Variants in CCDC158 observed in about 807,000 individuals in gnomAD.
CCDC158 encodes coiled-coil domain-containing protein 158.
A neutral mutation model predicts 138.6 loss-of-function variants in CCDC158; 116 were observed. That is an observed-to-expected ratio of 0.84 (90% CI 0.72 to 0.98). CCDC158 has a LOEUF of 0.98. Among genes scored for constraint, CCDC158 ranks in the 50% least tolerant of loss-of-function variants. The pLI is 0.00. For synonymous variants in CCDC158, 436 were observed against 442.4 expected (o/e 0.99, Z 0.18); for missense variants, 1,265 against 1,306.1 (o/e 0.97, Z 0.48).
intron 4 of CCDC158, among the ~76,000 whole-genome samples, chr4:76,395,126 T>C (rs537003339): frequency 2.0e-5 from 3 of 152,234 alleles, no homozygotes; most frequent in Middle Eastern, 3.4e-3. Flanking sequence ...GGGATAAACA[T>C]AGAAAACAAA....
intron 24 of CCDC158, among the ~76,000 whole-genome samples, chr4:76,321,583 GTA>G (rs1236951853): frequency 6.8e-6 from 1 of 146,130 alleles, no homozygotes; most frequent in Non-Finnish European, 1.5e-5. Flanking sequence ...TACATGGTGT[GTA>G]TATATATATA....
intron 4 of CCDC158, among the ~76,000 whole-genome samples, chr4:76,391,270 A>G (rs142703828): frequency 3.1e-4 from 47 of 152,138 alleles, no homozygotes; most frequent in Admixed American, 1.4e-3. Context: ...GAGACTATAC[A>G]TTAGGTCATA....
At chr4:76,320,915 C>T (rs1052621649) in intron 24 of CCDC158, among the ~76,000 whole-genome samples, 2 of 152,012 alleles carry the variant, frequency 1.3e-5, no homozygotes, top group South Asian at 4.1e-4. Context: ...ATAGATGGGA[C>T]CTAGTTAAAT....
At chr4:76,366,666 T>A (rs141915519) in intron 12 of CCDC158, among the ~76,000 whole-genome samples, 5 of 133,090 alleles carry the variant, frequency 3.8e-5, no homozygotes, top group Non-Finnish European at 6.6e-5. Context: ...CACGGCAATA[T>A]AGAATGTGAA....
Position 76,353,255 on chromosome 4 carries a change from TTTCTC to T in CCDC158, c.2308_2312del (p.Glu770LysfsTer2), listed in dbSNP as rs763325449. The T allele has an allele frequency of 1.2e-6, 2 of 1,608,684 alleles. No individual in the cohort carries two copies. Among genetic ancestry groups the T allele is most frequent in the South Asian group, 1.1e-5 (1 of 89,628 alleles). On this transcript the variant is annotated frameshift_variant, in exon 16 of 25. Transcript: ENST00000682701. LOFTEE classifies it high-confidence loss of function. ...TACTCAATTCCTGACTGAGTTTACT[TTTCTC>T]TTCTTTCAGAAAATGTTTCTCCTAC...
upstream of CCDC158, chr4:76,421,741 A>G (rs1730146473): frequency 6.9e-6 from 1 of 145,704 alleles, no homozygotes. Flanking sequence ...CAGAATTCAC[A>G]TTTTGCAGCT....
intron 21 of CCDC158, among the ~76,000 whole-genome samples, chr4:76,329,986 T>C (rs79154103): frequency 0.025 from 3,770 of 152,336 alleles, 83 homozygotes; most frequent in Non-Finnish European, 0.04. Flanking sequence ...CATATAGTTA[T>C]TTTTCATAAT....
chr4:76,394,497 A>G (rs1354368505), intron 4 of CCDC158, among the ~76,000 whole-genome samples: 1 of 151,964 alleles, frequency 6.6e-6, no homozygotes, highest in Non-Finnish European at 1.5e-5. Flanking sequence ...GTAGTGGGGG[A>G]GTGAAGGAGA....
rs778355673 is a variant in CCDC158, at chr4:76,351,705, T to A, written c.2538+15A>T. On this transcript the variant is annotated intron_variant, in intron 17 of 24. Coordinates refer to ENST00000682701, the MANE Select transcript of CCDC158 (RefSeq NM_001394954.1). ...GCATTATTTTCGCTTAAACTAATAT[T>A]TATGATGACCTTACTTTTATATCCA... is the stretch of plus-strand genomic sequence containing the variant. The A allele has an allele frequency of 2.6e-6, 4 of 1,547,190 alleles. No individual in the cohort carries two copies. The Admixed American group carries it at 6.7e-5, about 26-fold the overall frequency.
chr4:76,379,915 C>T (rs1726073854), intron 8 of CCDC158, among the ~76,000 whole-genome samples: 1 of 152,052 alleles, frequency 6.6e-6, no homozygotes, highest in Admixed American at 6.5e-5. Flanking sequence ...AGTGAGTTCT[C>T]ACAACATCTG....
At chr4:76,355,509 AC>A (rs1723461813) in intron 14 of CCDC158, 73 bp from the exon 15 acceptor site, 1 of 969,846 alleles carries the variant, frequency 1.0e-6, no homozygotes, top group Non-Finnish European at 1.7e-6. Context: ...TGATGGTTAA[AC>A]TTTATGAGAA....
intron 18 of CCDC158, among the ~76,000 whole-genome samples, chr4:76,346,974 T>A (rs7676489): frequency 1.2e-3 from 184 of 152,112 alleles, no homozygotes; most frequent in African/African-American, 4.3e-3. Context: ...AAAACCAAAA[T>A]GAGATACCAT....
chr4:76,421,398 G>A (rs1450934055), upstream of CCDC158, among the ~76,000 whole-genome samples: 1 of 152,024 alleles, frequency 6.6e-6, no homozygotes, highest in Non-Finnish European at 1.5e-5. Flanking sequence ...TACCCAGCCC[G>A]GAGTCAAATC....
At chr4:76,399,359 G>A (rs1258562299) in intron 3 of CCDC158, among the ~76,000 whole-genome samples, 2 of 152,100 alleles carry the variant, frequency 1.3e-5, no homozygotes, top group Non-Finnish European at 1.5e-5. Flanking sequence ...ATGCATACGG[G>A]CTTAATACCT....
chr4:76,339,331 G>T (rs1034584210), intron 18 of CCDC158, among the ~76,000 whole-genome samples: 1 of 152,110 alleles, frequency 6.6e-6, no homozygotes, highest in Non-Finnish European at 1.5e-5. Context: ...ACATACATTT[G>T]TCATGAACTT....
chr4:76,413,466 C>T (rs139055419), intron 1 of CCDC158, among the ~76,000 whole-genome samples: 1 of 142,604 alleles, frequency 7.0e-6, no homozygotes, highest in African/African-American at 2.7e-5. Flanking sequence ...CAGAGTGAGA[C>T]CTTGTCTCAA....
intron 2 of CCDC158, among the ~76,000 whole-genome samples, chr4:76,406,189 G>T (rs1367419769): frequency 6.6e-6 from 1 of 152,118 alleles, no homozygotes; most frequent in African/African-American, 2.4e-5. Context: ...GAAAGCACGG[G>T]TTAAAATCCT....
Position 76,357,369 on chromosome 4 carries a change from C to T in CCDC158, c.2173+5G>A. 6.6e-7 allele frequency: 1 copy of T among 1,507,888 alleles called. No individual in the cohort carries two copies. The highest frequency in any genetic ancestry group is 8.8e-7 in the Non-Finnish European group (1 of 1,131,728). 93.4% of individuals were successfully genotyped at this position (1,507,888 alleles called of 1,614,324 possible). A position where few individuals can be genotyped will look rare whatever the true frequency, so the allele number is the denominator to read the frequency against. On this transcript the variant is annotated splice_donor_5th_base_variant and intron_variant, in intron 14 of 24. Transcript: ENST00000682701. ...AGAAAAAATTTTAAATCTAACAGAG[C>T]ATACCATGACCATCAGATCCTTCCA...
intron 24 of CCDC158, among the ~76,000 whole-genome samples, chr4:76,315,016 G>A (rs1050402320): frequency 6.6e-6 from 1 of 152,174 alleles, no homozygotes; most frequent in Admixed American, 6.5e-5. Context: ...TATAGCACGG[G>A]CAAGGTCTGA....
Sources: gnomAD v4.1 joint callset for allele counts (sites outside exome capture counted in the v4.1 genomes callset) on GRCh38, gnomAD v4.1.1 for gene constraint, MANE v1.5 for transcripts, NCBI Gene and HGNC (gene_info 2026-07-23, HGNC 2026-07-21) for gene names.